FARS2: variants seen among roughly 807,000 people sequenced by gnomAD.
The protein encoded by FARS2 is phenylalanyl-tRNA synthetase 2, mitochondrial.
Under a neutral mutation model 46.4 loss-of-function variants are expected in FARS2, and 40 were observed. The observed-to-expected ratio is 0.86, with a 90% confidence interval of 0.67 to 1.12. The LOEUF is 1.12. Among genes scored for constraint, FARS2 ranks in the 50% most tolerant of loss-of-function variants. The probability of loss-of-function intolerance (pLI) is 0.00; values close to 1 mark genes in which losing one functional copy is unlikely to be tolerated. For synonymous variants in FARS2, 234 were observed against 214.9 expected (o/e 1.09, Z -0.78); for missense variants, 513 against 567.9 (o/e 0.90, Z 0.98).
chr6:5,340,218 C>G (rs1459678946), intron 1 of FARS2, among the ~76,000 whole-genome samples: 1 of 152,216 alleles, frequency 6.6e-6, no homozygotes, highest in Non-Finnish European at 1.5e-5. Flanking sequence ...AGCAACTAGT[C>G]ACCTGTGAGA....
At position 5,727,726 on chromosome 6, in the gene FARS2, A is replaced by G. The variant is rs1016499890; in HGVS notation, c.1218-43565A>G. ...CACAGATTGGAGTGCCACAGGGATC[A>G]TATTTTCAGGTGCATTTTCTTCCAA... On this transcript the variant is annotated intron_variant, in intron 6 of 6. Coordinates refer to ENST00000274680, the MANE Select transcript of FARS2 (RefSeq NM_006567.5). This position sits in a 1 kb window ranked among gnomAD's most constrained non-coding sequence, Gnocchi z 4.1. Among the ~76,000 whole-genome samples the G allele has an allele frequency of 6.6e-6, 1 of 152,232 alleles. No individual in the cohort carries two copies. Among genetic ancestry groups the G allele is most frequent in the African/African-American group, 2.4e-5 (1 of 41,468 alleles).
chr6:5,419,196 A>G (rs1459287927), intron 3 of FARS2, among the ~76,000 whole-genome samples: 1 of 152,206 alleles, frequency 6.6e-6, no homozygotes, highest in Admixed American at 6.5e-5. Context: ...AGATGGATAC[A>G]ATCCTAAAGA....
intron 5 of FARS2, among the ~76,000 whole-genome samples, chr6:5,590,636 C>T (rs1399615954): frequency 6.6e-6 from 1 of 152,200 alleles, no homozygotes; most frequent in Non-Finnish European, 1.5e-5. Context: ...TTTTACCCCT[C>T]AATCCCATAT....
intron 2 of FARS2, among the ~76,000 whole-genome samples, chr6:5,392,524 A>C (rs1318148752): frequency 6.6e-6 from 1 of 151,930 alleles, no homozygotes; most frequent in African/African-American, 2.4e-5. Flanking sequence ...GTTTGATAGG[A>C]GAGTTATATA....
rs1478114120 is a variant in FARS2 at position 5,407,317 on chromosome 6, TCCCCTAC to T, written c.772+2617_772+2623del. Among the ~76,000 whole-genome samples the T allele has an allele frequency of 7.9e-5, 12 of 152,032 alleles. No homozygotes were observed. In the Middle Eastern group the frequency reaches 0.014, roughly 174 times the overall value. ...CCTCTATTTTTTCATACTCCAGATTTCCCCTACTTATGCCTGAACTCAAATATGTATT... is the reference window on the plus strand; with the variant it reads ...CCTCTATTTTTTCATACTCCAGATTTTTATGCCTGAACTCAAATATGTATT... On this transcript the variant is annotated intron_variant, in intron 3 of 6. Coordinates refer to ENST00000274680, the MANE Select transcript of FARS2 (RefSeq NM_006567.5).
rs572112566 is a variant in FARS2, at chr6:5,378,233, T to TAC, written c.612+9054_612+9055dup. Among the ~76,000 whole-genome samples the TAC allele has an allele frequency of 1.4e-4, 21 of 152,036 alleles. No homozygotes were observed. In the East Asian group the frequency reaches 3.1e-3, roughly 22 times the overall value. On this transcript the variant is annotated intron_variant, in intron 2 of 6. Coordinates refer to ENST00000274680, the MANE Select transcript of FARS2 (RefSeq NM_006567.5). Reference sequence around the variant, plus strand: ...AGGAGCGTAGAAGGATGTTGAGACTTACACGTTTGAGAACCACTGTCCTCA... The same window carrying TAC: ...AGGAGCGTAGAAGGATGTTGAGACTTACACACGTTTGAGAACCACTGTCCTCA...
chr6:5,390,309 A>G (rs193141170), intron 2 of FARS2, among the ~76,000 whole-genome samples: 1 of 152,338 alleles, frequency 6.6e-6, no homozygotes, highest in East Asian at 1.9e-4. Context: ...AACAGTAGGT[A>G]TAATTATTTC....
intron 5 of FARS2, among the ~76,000 whole-genome samples, chr6:5,581,833 A>G (rs866039441): frequency 6.6e-6 from 1 of 152,120 alleles, no homozygotes; most frequent in African/African-American, 2.4e-5. Flanking sequence ...AAATGGTCAC[A>G]GTAACATACT....
intron 1 of FARS2, among the ~76,000 whole-genome samples, chr6:5,266,500 A>T (rs1460665909): frequency 6.6e-6 from 1 of 152,086 alleles, no homozygotes; most frequent in African/African-American, 2.4e-5. Context: ...ACCCCATCTC[A>T]ATAAAATAGA....
At chr6:5,704,933 CA>C (rs2150890617) in intron 6 of FARS2, among the ~76,000 whole-genome samples, 1 of 152,256 alleles carries the variant, frequency 6.6e-6, no homozygotes, top group African/African-American at 2.4e-5. Flanking sequence ...GGTTGTGAGG[CA>C]TAAATGAGGT....
intron 4 of FARS2, among the ~76,000 whole-genome samples, chr6:5,539,941 G>A (rs570299119): frequency 7.9e-5 from 12 of 152,218 alleles, no homozygotes; most frequent in Admixed American, 1.3e-4. Flanking sequence ...TTCAGAAGAC[G>A]TGCCACATCA....
intron 6 of FARS2, among the ~76,000 whole-genome samples, chr6:5,732,245 G>A (rs529220112): frequency 6.7e-4 from 102 of 152,342 alleles, no homozygotes; most frequent in Non-Finnish European, 1.1e-3. Context: ...CTAGTAGCAG[G>A]AAACAGGAGT....
rs181186396 is a variant in FARS2, at chr6:5,408,492, C to T, written c.772+3791C>T. Among the ~76,000 whole-genome samples the T allele has an allele frequency of 2.8e-3, 425 of 152,202 alleles. 2 individuals are homozygous for T. Among genetic ancestry groups the T allele is most frequent in the Non-Finnish European group, 2.9e-3 (198 of 68,008 alleles). On this transcript the variant is annotated intron_variant, in intron 3 of 6. Coordinates refer to ENST00000274680, the MANE Select transcript of FARS2 (RefSeq NM_006567.5). ...GTAGACTCTTATGACCATGGAGAAA[C>T]GGTAGTGTAGAATCAGAAAACTTAA...
chr6:5,534,027 G>T (rs1770028592), intron 4 of FARS2, among the ~76,000 whole-genome samples: 1 of 152,196 alleles, frequency 6.6e-6, no homozygotes, highest in African/African-American at 2.4e-5. Context: ...ACACTGTTCA[G>T]AGCTGGGAGG....
intron 5 of FARS2, chr6:5,610,017 G>T: frequency 1.0e-6 from 1 of 996,248 alleles, no homozygotes; most frequent in Non-Finnish European, 1.6e-6. Context: ...CAGTGGCATA[G>T]TGACAAACCC....
At chr6:5,557,739 A>G (rs1187994593) in intron 5 of FARS2, among the ~76,000 whole-genome samples, 1 of 151,838 alleles carries the variant, frequency 6.6e-6, no homozygotes, top group Non-Finnish European at 1.5e-5. Flanking sequence ...AATGCTTGAA[A>G]TCTCCCCTTA....
rs545225172 is a variant in FARS2 at position 5,736,492 on chromosome 6, G to A, written c.1218-34799G>A. The stretch of plus-strand genomic sequence containing the variant: ...TCTCCTCCTCCTCCTCACAACTGTT[G>A]CCTCTAAAAAGACCAGCGCAAATAG... On this transcript the variant is annotated intron_variant, in intron 6 of 6. Transcript: ENST00000274680. Among the ~76,000 whole-genome samples the A allele has an allele frequency of 1.1e-4, 17 of 152,296 alleles. No homozygotes were observed. The East Asian group carries it at 3.3e-3, about 29-fold the overall frequency.
At chr6:5,692,134 C>G (rs1044988440) in intron 6 of FARS2, among the ~76,000 whole-genome samples, 5 of 152,230 alleles carry the variant, frequency 3.3e-5, no homozygotes, top group South Asian at 2.1e-4. Context: ...CCTTGTGCTT[C>G]CCGGGTGAGG....
intron 6 of FARS2, among the ~76,000 whole-genome samples, chr6:5,674,136 A>G (rs976970364): frequency 2.2e-5 from 3 of 138,442 alleles, no homozygotes; most frequent in Non-Finnish European, 3.1e-5. Flanking sequence ...TGCCCTGAGG[A>G]TGTGTCCTCT....
Sources: gnomAD v4.1 joint callset for allele counts (sites outside exome capture counted in the v4.1 genomes callset) on GRCh38, gnomAD v4.1.1 for gene constraint, Gnocchi (gnomAD v3.1) non-coding constraint, MANE v1.5 for transcripts, NCBI Gene and HGNC (gene_info 2026-07-23, HGNC 2026-07-21) for gene names.